PARD3B: variants seen among roughly 807,000 people sequenced by gnomAD.
The protein encoded by PARD3B is partitioning defective 3 homolog B.
A neutral mutation model predicts 130.2 loss-of-function variants in PARD3B; 103 were observed. The ratio of observed to expected loss-of-function variants is 0.79; its 90% CI spans 0.67 to 0.93. The LOEUF is 0.93. Among genes scored for constraint, PARD3B ranks in the 40% least tolerant of loss-of-function variants. The pLI is 0.00. For missense variants in PARD3B, 1,609 were observed against 1,499.2 expected (o/e 1.07, Z -1.21); for synonymous variants, 583 against 553.2 (o/e 1.05, Z -0.76).
chr2:205,122,371 C>A lies in PARD3B; in HGVS notation c.1165+422C>A, dbSNP rs1031758175. On this transcript the variant is annotated intron_variant, in intron 8 of 22. Transcript: ENST00000406610. This position sits in a 1 kb window ranked among gnomAD's most constrained non-coding sequence, Gnocchi z 4.3. Reference sequence around the variant, plus strand: ...CTTCTAACAACAAAAATTTACTCCTCAGAAAGCAAATATGTAATGTTTACT... The same window carrying A: ...CTTCTAACAACAAAAATTTACTCCTAAGAAAGCAAATATGTAATGTTTACT... 2.0e-5 allele frequency among the ~76,000 whole-genome samples: 3 copies of A among 152,180 alleles called. No individual in the cohort carries two copies. The highest frequency in any genetic ancestry group is 7.2e-5 in the African/African-American group (3 of 41,446).
At chr2:204,935,355 C>CCA (rs1559275984) in intron 2 of PARD3B, among the ~76,000 whole-genome samples, 6 of 143,616 alleles carry the variant, frequency 4.2e-5, no homozygotes, top group Non-Finnish European at 7.7e-5. Context: ...CGGTGAAACC[C>CCA]TGTCTCTACT....
intron 10 of PARD3B, among the ~76,000 whole-genome samples, chr2:205,143,692 G>T (rs1326026837): frequency 1.3e-5 from 2 of 152,138 alleles, no homozygotes; most frequent in Admixed American, 1.3e-4. Context: ...GTATTTTAGG[G>T]CTCTGGAGCC....
chr2:205,257,309 A>C, intron 16 of PARD3B, among the ~76,000 whole-genome samples: 1 of 150,696 alleles, frequency 6.6e-6, no homozygotes, highest in East Asian at 1.9e-4. Flanking sequence ...TTGAATGAAA[A>C]CACTTTTATT....
chr2:204,911,826 G>A (rs7590088), intron 2 of PARD3B, among the ~76,000 whole-genome samples: 66,353 of 151,980 alleles, frequency 0.44, 16,172 homozygotes, highest in African/African-American at 0.64. Flanking sequence ...TTATTTCCCA[G>A]TGTATGCATA....
intron 2 of PARD3B, among the ~76,000 whole-genome samples, chr2:204,909,829 G>C (rs1353962849): frequency 6.6e-6 from 1 of 152,062 alleles, no homozygotes; most frequent in Non-Finnish European, 1.5e-5. Flanking sequence ...GCATGAATCT[G>C]CCATAATTAA....
At chr2:204,613,138 A>G (rs1390909446) in intron 1 of PARD3B, among the ~76,000 whole-genome samples, 1 of 151,666 alleles carries the variant, frequency 6.6e-6, no homozygotes, top group African/African-American at 2.4e-5. Flanking sequence ...TGTCTGGTCA[A>G]TTTCTGGGAA....
chr2:204,781,581 T>A (rs17595547), intron 2 of PARD3B, among the ~76,000 whole-genome samples: 4,725 of 152,198 alleles, frequency 0.031, 127 homozygotes, highest in East Asian at 0.17. Context: ...GTCAACTTAT[T>A]TGATGTACAA....
chr2:204,797,374 C>G (rs1356913770), intron 2 of PARD3B, among the ~76,000 whole-genome samples: 1 of 152,030 alleles, frequency 6.6e-6, no homozygotes, highest in Non-Finnish European at 1.5e-5. Context: ...AAAGTACATG[C>G]TCACACTTTA....
chr2:205,324,614 A>G (rs1391993557), intron 18 of PARD3B, among the ~76,000 whole-genome samples: 2 of 152,094 alleles, frequency 1.3e-5, no homozygotes, highest in African/African-American at 4.8e-5. Context: ...CCTTCTTGAC[A>G]CTATTCCAGC....
intron 1 of PARD3B, among the ~76,000 whole-genome samples, chr2:204,662,836 G>T (rs1357060946): frequency 6.6e-6 from 1 of 152,036 alleles, no homozygotes; most frequent in East Asian, 1.9e-4. Flanking sequence ...AGTAAATAAG[G>T]CCAATAACAT....
At chr2:204,936,059 A>G (rs1166949325) in intron 2 of PARD3B, among the ~76,000 whole-genome samples, 4 of 152,232 alleles carry the variant, frequency 2.6e-5, no homozygotes, top group Non-Finnish European at 5.9e-5. Flanking sequence ...GAAGATGGTT[A>G]TAGATAGTCA....
Position 205,121,506 on chromosome 2 carries a change from T to A in PARD3B, c.807-85T>A. On this transcript the variant is annotated intron_variant, in intron 7 of 22. Coordinates refer to ENST00000406610, the MANE Select transcript of PARD3B (RefSeq NM_001302769.2). The surrounding 1 kb of genome is among the most constrained non-coding windows in gnomAD (Gnocchi z 5.0). ...CTCCTATGATTAGCCACTGTGCTGC[T>A]CTTGGTTGCCATCCTCCTGGGGTAC... 8.5e-7 allele frequency: 1 copy of A among 1,177,190 alleles called. No homozygotes were observed. Among genetic ancestry groups the A allele is most frequent in the Non-Finnish European group, 1.2e-6 (1 of 811,528 alleles). The allele number at this position is 1,177,190 out of a possible 1,614,324, so 72.9% of individuals were successfully genotyped here. A position where few individuals can be genotyped will look rare whatever the true frequency, so the allele number is the denominator to read the frequency against.
chr2:205,059,720 T>A (rs1457832678), intron 4 of PARD3B, among the ~76,000 whole-genome samples: 3 of 152,072 alleles, frequency 2.0e-5, no homozygotes, highest in Non-Finnish European at 2.9e-5. Context: ...ATATATTGTT[T>A]AAGGAATGGG....
intron 18 of PARD3B, among the ~76,000 whole-genome samples, chr2:205,310,083 CTT>C (rs34247571): frequency 0.12 from 14,945 of 123,766 alleles, 652 homozygotes; most frequent in East Asian, 0.26. Flanking sequence ...AAAATCTACT[CTT>C]TTTTTTTTTT....
intron 19 of PARD3B, among the ~76,000 whole-genome samples, chr2:205,425,913 A>G (rs893123681): frequency 6.6e-6 from 1 of 152,160 alleles, no homozygotes; most frequent in Admixed American, 6.5e-5. Flanking sequence ...GAAAACATAA[A>G]CAAAGAGTCA....
intron 1 of PARD3B, among the ~76,000 whole-genome samples, chr2:204,639,515 T>C (rs1374628035): frequency 1.3e-5 from 2 of 152,222 alleles, no homozygotes; most frequent in Admixed American, 1.3e-4. Flanking sequence ...GATGGTTGTG[T>C]CTGTACTGAA....
chr2:205,045,318 G>A (rs1465319942), intron 3 of PARD3B, among the ~76,000 whole-genome samples: 1 of 151,142 alleles, frequency 6.6e-6, no homozygotes, highest in East Asian at 2.0e-4. Flanking sequence ...GCGCTATCTG[G>A]GCTCACTGCA....
At chr2:204,997,835 A>G (rs866609351) in intron 3 of PARD3B, among the ~76,000 whole-genome samples, 3 of 150,120 alleles carry the variant, frequency 2.0e-5, no homozygotes, top group African/African-American at 7.3e-5. Context: ...TTATAGATAT[A>G]TAATTATTTT....
intron 1 of PARD3B, among the ~76,000 whole-genome samples, chr2:204,574,627 A>C (rs768157013): frequency 2.6e-5 from 4 of 152,242 alleles, no homozygotes; most frequent in Non-Finnish European, 5.9e-5. Flanking sequence ...GATCTTAGGC[A>C]ACTTACAGTC....
Sources: gnomAD v4.1 joint callset for allele counts (sites outside exome capture counted in the v4.1 genomes callset) on GRCh38, gnomAD v4.1.1 for gene constraint, Gnocchi (gnomAD v3.1) non-coding constraint, MANE v1.5 for transcripts, NCBI Gene and HGNC (gene_info 2026-07-23, HGNC 2026-07-21) for gene names.